The following ZSCAN5C variants were observed in gnomAD, a reference collection of about 807,000 sequenced individuals.
The protein encoded by ZSCAN5C is zinc finger and SCAN domain-containing protein 5C.
A neutral mutation model predicts 17.3 loss-of-function variants in ZSCAN5C; 11 were observed. The ratio of observed to expected loss-of-function variants is 0.64; its 90% CI spans 0.40 to 1.06. The LOEUF is 1.06. Ranked by LOEUF, ZSCAN5C falls within the 50% of genes least tolerant of loss-of-function variation. The probability of loss-of-function intolerance (pLI) is 0.00; values close to 1 mark genes in which losing one functional copy is unlikely to be tolerated. For synonymous variants in ZSCAN5C, 229 were observed against 208.4 expected (o/e 1.10, Z -0.85); for missense variants, 698 against 538.9 (o/e 1.30, Z -2.92).
chr19:56,207,242 C>T (rs760664161), exon 3 of ZSCAN5C: 1 of 778,536 alleles, frequency 1.3e-6, no homozygotes, highest in African/African-American at 1.7e-5. Context: ...GCCCAGGGTC[C>T]CTGCACTGTT....
rs924497245 is a variant in ZSCAN5C, at chr19:56,207,875, T to C, written c.589-159T>C. ...CCTTCCAGCGTCAGGGGCAAGGAGA[T>C]GCTGGCACAGCGGGGAGAAATATGC... On this transcript the variant is annotated intron_variant, in intron 3 of 4. Transcript: ENST00000534327. Among the ~76,000 whole-genome samples, 10 of 151,986 alleles carry C rather than the reference T, an allele frequency of 6.6e-5. 1 individual carries two copies. The highest frequency in any genetic ancestry group is 6.2e-4 in the South Asian group (3 of 4,822).
At chr19:56,208,231 G>A (rs1217739893) in intron 4 of ZSCAN5C, 47 bp downstream of exon 4, 1 of 727,958 alleles carries the variant, frequency 1.4e-6, no homozygotes, top group Non-Finnish European at 2.5e-6. Flanking sequence ...CCTCTCTTCT[G>A]GGGTGTGGGG....
exon 4 of ZSCAN5C, chr19:56,208,181 C>A (rs935526502): frequency 1.3e-6 from 1 of 778,682 alleles, no homozygotes; most frequent in African/African-American, 1.7e-5. Flanking sequence ...TCCAAACAGT[C>A]CCAGTAAGTA....
chr19:56,208,298 T>C lies in ZSCAN5C; in HGVS notation c.739+114T>C, dbSNP rs982504472. On this transcript the variant is annotated intron_variant, in intron 4 of 4. Transcript: ENST00000534327. Reference sequence around the variant, plus strand: ...GTTGGCACTCAGCTGCCAAAGCCTCTCCATCCCTTACTCTCCAGAGACCTA... The same window carrying C: ...GTTGGCACTCAGCTGCCAAAGCCTCCCCATCCCTTACTCTCCAGAGACCTA... The C allele has an allele frequency of 3.5e-5, 24 of 678,718 alleles. No homozygotes were observed. The Admixed American group carries it at 4.2e-4, about 12-fold the overall frequency. The allele number at this position is 678,718 out of a possible 1,614,324, so 42.0% of individuals were successfully genotyped here. A position where few individuals can be genotyped will look rare whatever the true frequency, so the allele number is the denominator to read the frequency against.
chr19:56,204,776 T>C (rs138421109), intron 1 of ZSCAN5C, among the ~76,000 whole-genome samples: 3 of 151,786 alleles, frequency 2.0e-5, no homozygotes, highest in African/African-American at 7.3e-5. Flanking sequence ...CTCCTGCCAG[T>C]TTTTTCTCCC....
At position 56,204,794 on chromosome 19, in the gene ZSCAN5C, G is replaced by A. The variant is rs1293468975; in HGVS notation, c.-127-993G>A. On this transcript the variant is annotated intron_variant, in intron 1 of 4. Transcript: ENST00000534327. The stretch of plus-strand genomic sequence containing the variant: ...CTGCCAGTTTTTTCTCCCCTCTGCA[G>A]ACCTTCAGGTTGCTTCCCCCACCTG... 2.0e-5 allele frequency among the ~76,000 whole-genome samples: 3 copies of A among 152,024 alleles called. No individual in the cohort carries two copies. The East Asian group carries it at 5.8e-4, about 29-fold the overall frequency.
chr19:56,208,318 G>C (rs1473887286), intron 4 of ZSCAN5C, 131 bp from the exon 5 acceptor site: 1 of 714,112 alleles, frequency 1.4e-6, no homozygotes, highest in African/African-American at 1.8e-5. Flanking sequence ...ACTCTCCAGA[G>C]ACCTACAGTC....
chr19:56,204,080 G>A (rs1341362695), intron 1 of ZSCAN5C, among the ~76,000 whole-genome samples: 1 of 151,842 alleles, frequency 6.6e-6, no homozygotes, highest in East Asian at 1.9e-4. Flanking sequence ...TATATTGAGT[G>A]ATGCTGAGGT....
chr19:56,206,930 T>C (rs2032927763), intron 2 of ZSCAN5C, 129 bp from the exon 3 acceptor site: 2 of 604,190 alleles, frequency 3.3e-6, no homozygotes, highest in Non-Finnish European at 5.9e-6. Flanking sequence ...ACAGAGCTGA[T>C]TCTGCATCGG....
At chr19:56,203,585 C>G (rs1443962774) in intron 1 of ZSCAN5C, among the ~76,000 whole-genome samples, 1 of 151,600 alleles carries the variant, frequency 6.6e-6, no homozygotes, top group Non-Finnish European at 1.5e-5. Context: ...CCCCAACCCT[C>G]ACCATAGCCC....
Position 56,203,905 on chromosome 19 carries a change from G to A in ZSCAN5C, c.-128+1583G>A, listed in dbSNP as rs553040658. ...CTCAGGTGATCCGCCCATCTCAGCC[G>A]TCCAACGTGCTGGGATTACAGGCGT... On this transcript the variant is annotated intron_variant, in intron 1 of 4. Coordinates refer to ENST00000534327, the Ensembl canonical transcript of ZSCAN5C. 4.0e-5 allele frequency among the ~76,000 whole-genome samples: 6 copies of A among 151,632 alleles called. No individual in the cohort carries two copies. In the East Asian group the frequency reaches 7.7e-4, roughly 19 times the overall value.
chr19:56,203,284 CA>C (rs61271192), intron 1 of ZSCAN5C, among the ~76,000 whole-genome samples: 13,756 of 145,348 alleles, frequency 0.095, 1,669 homozygotes, highest in African/African-American at 0.27. Context: ...TATGCTTTTT[CA>C]AAAAAAAAAA....
intron 1 of ZSCAN5C, among the ~76,000 whole-genome samples, chr19:56,203,522 G>T (rs1750298714): frequency 6.6e-6 from 1 of 151,364 alleles, no homozygotes; most frequent in Non-Finnish European, 1.5e-5. Flanking sequence ...TTGGACAATT[G>T]CTCTCTTGAA....
intron 3 of ZSCAN5C, 112 bp from the exon 4 acceptor site, chr19:56,207,922 A>G (rs1165465583): frequency 3.3e-6 from 2 of 612,082 alleles, no homozygotes; most frequent in South Asian, 3.9e-5. Flanking sequence ...AACAGTGAAA[A>G]CCACCACACC....
chr19:56,209,227 C>G (rs1233289176), downstream of ZSCAN5C: 1 of 667,006 alleles, frequency 1.5e-6, no homozygotes, highest in South Asian at 1.8e-5. Flanking sequence ...GTCTTCTGCA[C>G]CAAGAAAGTG....
chr19:56,209,428 T>G, downstream of ZSCAN5C: 1 of 461,384 alleles, frequency 2.2e-6, no homozygotes, highest in Non-Finnish European at 3.8e-6. Context: ...TTGCTGTTCT[T>G]TCAATAAACA....
At chr19:56,208,669 C>T (rs753249215) in exon 5 of ZSCAN5C, 30 of 1,612,490 alleles carry the variant, frequency 1.9e-5, no homozygotes, top group African/African-American at 5.4e-5. Flanking sequence ...CACCTGTGGG[C>T]AACAGAGAAT....
chr19:56,208,967 C>A lies in ZSCAN5C; in HGVS notation c.1258C>A (p.Gln420Lys), dbSNP rs757999954. The A allele has an allele frequency of 2.5e-6, 4 of 1,613,398 alleles. No homozygotes were observed. The African/African-American group carries it at 5.4e-5, about 22-fold the overall frequency. The stretch of plus-strand genomic sequence containing the variant: ...CTACACGTGTGACATCTGCCAGAAG[C>A]AGTTCACCCAGAAGTCCTACTTGAA... The change falls in exon 5 of 5, where the codon CAG becomes AAG. Residue 420 changes from glutamine to lysine, a missense_variant. Coordinates refer to ENST00000534327, the Ensembl canonical transcript of ZSCAN5C.
intron 2 of ZSCAN5C, among the ~76,000 whole-genome samples, 179 bp downstream of exon 2, chr19:56,206,476 G>C (rs1220969490): frequency 6.6e-6 from 1 of 151,934 alleles, no homozygotes; most frequent in East Asian, 1.9e-4. Flanking sequence ...TCACAAGGGG[G>C]AGGACAGGAG....
Sources: allele counts gnomAD v4.1 joint callset (sites outside exome capture counted in the v4.1 genomes callset), GRCh38; gene constraint gnomAD v4.1.1; transcripts MANE v1.5; gene names NCBI Gene and HGNC (gene_info 2026-07-23, HGNC 2026-07-21).